The following RNASEK variants were observed in gnomAD, a reference collection of about 807,000 sequenced individuals.
RNASEK encodes ribonuclease K.
In RNASEK, 7 loss-of-function variants were observed where a neutral mutation model predicts 11.2. That is an observed-to-expected ratio of 0.62 (90% CI 0.35 to 1.17). The LOEUF (loss-of-function observed/expected upper bound fraction) is 1.17. Among genes scored for constraint, RNASEK ranks in the 50% most tolerant of loss-of-function variants. The pLI is 0.02. For missense variants in RNASEK, 101 were observed against 126.7 expected, an observed-to-expected ratio of 0.80 and a Z score of 0.97; for synonymous variants, 46 against 49.5, an observed-to-expected ratio of 0.93 and a Z score of 0.30.
intron 1 of RNASEK, chr17:7,013,257 G>A (rs1334701273): frequency 1.6e-6 from 2 of 1,267,874 alleles, no homozygotes; most frequent in Non-Finnish European, 2.1e-6. Context: ...GTTGAATGGA[G>A]GACATGGGAG....
At chr17:7,013,645 C>G (rs1344929373) in intron 1 of RNASEK, 21 bp from the exon 2 acceptor site, 1 of 1,608,708 alleles carries the variant, frequency 6.2e-7, no homozygotes, top group African/African-American at 1.3e-5. Context: ...ATTCAACAGT[C>G]TACCCATTCC....
Position 7,014,408 on chromosome 17 carries a change from G to C in RNASEK, c.*122G>C. 9.7e-7 allele frequency: 1 copy of C among 1,029,364 alleles called. No homozygotes were observed. The highest frequency in any genetic ancestry group is 1.4e-6 in the Non-Finnish European group (1 of 705,256). 63.8% of individuals were successfully genotyped at this position (1,029,364 alleles called of 1,614,324 possible). On this transcript the variant is annotated 3_prime_UTR_variant, in exon 3 of 3. Transcript: ENST00000593646. The surrounding 1 kb of genome is among the most constrained non-coding windows in gnomAD (Gnocchi z 4.5). ...GCGGGACTGGGTTTCCCGGGCGAGAGACTGAATCCCTTCTCCCATCTCTGG... is the reference window on the plus strand; with the variant it reads ...GCGGGACTGGGTTTCCCGGGCGAGACACTGAATCCCTTCTCCCATCTCTGG...
chr17:7,013,395 C>T (rs1234032713), intron 1 of RNASEK: 1 of 1,535,646 alleles, frequency 6.5e-7, no homozygotes, highest in Non-Finnish European at 8.7e-7. Flanking sequence ...CGCACTGTCC[C>T]GTGATGATGA....
At chr17:7,013,931 A>G in intron 2 of RNASEK, 189 bp downstream of exon 2, 1 of 688,972 alleles carries the variant, frequency 1.5e-6, no homozygotes, top group Admixed American at 2.7e-5. Context: ...CAAACCCACC[A>G]CCTTAGGTGT....
At chr17:7,013,384 C>A in intron 1 of RNASEK, 1 of 1,535,460 alleles carries the variant, frequency 6.5e-7, no homozygotes, top group Non-Finnish European at 8.7e-7. Context: ...CTCCCCTCTT[C>A]CGCACTGTCC....
chr17:7,012,918 T>C, intron 1 of RNASEK, 157 bp downstream of exon 1: 1 of 653,812 alleles, frequency 1.5e-6, no homozygotes, highest in Non-Finnish European at 2.6e-6. Flanking sequence ...AAATGGGAAC[T>C]GTTCGAGACC....
Position 7,014,384 on chromosome 17 carries a change from C to G in RNASEK, c.*98C>G. On this transcript the variant is annotated 3_prime_UTR_variant, in exon 3 of 3. Coordinates refer to ENST00000593646, the MANE Select transcript of RNASEK (RefSeq NM_001004333.5). The surrounding 1 kb of genome is among the most constrained non-coding windows in gnomAD (Gnocchi z 4.5). The stretch of plus-strand genomic sequence containing the variant: ...GTCCCACCCTTGCCGGCGCCCTCTG[C>G]GGGACTGGGTTTCCCGGGCGAGAGA... The G allele has an allele frequency of 2.2e-6, 3 of 1,344,702 alleles. No individual in the cohort carries two copies. Among genetic ancestry groups the G allele is most frequent in the South Asian group, 1.3e-5 (1 of 78,838 alleles). The allele number at this position is 1,344,702 out of a possible 1,614,324, so 83.3% of individuals were successfully genotyped here.
chr17:7,013,444 G>A (rs1909574875), intron 1 of RNASEK: 1 of 1,537,606 alleles, frequency 6.5e-7, no homozygotes, highest in African/African-American at 1.4e-5. Flanking sequence ...TCCTGGGAGA[G>A]ATGGCTTGGT....
rs2151653696 is a variant in RNASEK, at chr17:7,014,280, G to A, written c.291G>A (p.Val97=). The part of the protein sequence containing the change: ...VRLNKRKEYM[V]R ...TCAATAAGCGCAAGGAATACATGGT[G>A]CGCTAGGGCCCCGGCGCGTTTCCCC... Residue 97 remains valine (V), a synonymous_variant, in exon 3 of 3, where the codon GTG becomes GTA. Coordinates refer to ENST00000593646, the MANE Select transcript of RNASEK (RefSeq NM_001004333.5). The surrounding 1 kb of genome is among the most constrained non-coding windows in gnomAD (Gnocchi z 4.5). 6.2e-7 allele frequency: 1 copy of A among 1,613,714 alleles called. No homozygotes were observed.
intron 2 of RNASEK, 150 bp downstream of exon 2, chr17:7,013,892 G>A: frequency 1.3e-6 from 1 of 761,934 alleles, no homozygotes; most frequent in Non-Finnish European, 2.2e-6. Flanking sequence ...GTGGTTAGGA[G>A]CCAGGGAGTC....
intron 1 of RNASEK, chr17:7,013,400 T>G (rs570243600): frequency 3.9e-6 from 6 of 1,535,766 alleles, no homozygotes; most frequent in South Asian, 2.4e-5. Flanking sequence ...TGTCCCGTGA[T>G]GATGACGCCT....
chr17:7,013,831 T>C, intron 2 of RNASEK, 89 bp downstream of exon 2: 1 of 1,034,734 alleles, frequency 9.7e-7, no homozygotes, highest in South Asian at 1.3e-5. Context: ...GCCCGGTGCT[T>C]AGGGCCCCTA....
Position 7,014,212 on chromosome 17 carries a change from C to G in RNASEK, c.223C>G (p.Leu75Val). The change falls in exon 3 of 3, where the codon CTT becomes GTT. Residue 75 changes from leucine to valine, a missense_variant. By Grantham distance (32) the Leu-to-Val change is conservative. Transcript: ENST00000593646. The surrounding 1 kb of genome is among the most constrained non-coding windows in gnomAD (Gnocchi z 4.5). ...VSYNCFIAAG[L>V]YLLLGGFSFC... ...CTACAACTGTTTCATCGCTGCAGGC[C>G]TTTACCTCCTCCTCGGAGGCTTCTC... The G allele has an allele frequency of 6.2e-7, 1 of 1,608,836 alleles. No homozygotes were observed.
intron 2 of RNASEK, 69 bp downstream of exon 2, chr17:7,013,811 C>G (rs937867097): frequency 8.1e-7 from 1 of 1,239,234 alleles, no homozygotes; most frequent in African/African-American, 1.5e-5. Flanking sequence ...GTCAGAATTA[C>G]GTCTGGGAGG....
intron 1 of RNASEK, chr17:7,013,402 A>T (rs776966111): frequency 6.5e-7 from 1 of 1,535,754 alleles, no homozygotes; most frequent in African/African-American, 1.4e-5. Context: ...TCCCGTGATG[A>T]TGACGCCTCC....
intron 1 of RNASEK, 158 bp from the exon 2 acceptor site, chr17:7,013,508 C>CTGT: frequency 6.3e-7 from 1 of 1,582,080 alleles, no homozygotes; most frequent in African/African-American, 1.3e-5. Context: ...ACCTCACGCC[C>CTGT]TGTTCCAGGT....
intron 1 of RNASEK, chr17:7,012,979 G>C: frequency 3.6e-6 from 2 of 561,062 alleles, no homozygotes; most frequent in Admixed American, 6.9e-5. Flanking sequence ...ACAAAAATTA[G>C]CCGGGCGTGG....
chr17:7,013,278 T>C (rs1909555095), intron 1 of RNASEK: 5 of 1,404,536 alleles, frequency 3.6e-6, no homozygotes, highest in Admixed American at 2.2e-5. Flanking sequence ...GAAAAGAGAG[T>C]GCTTGTTCCA....
chr17:7,013,535 A>C (rs1428805115), intron 1 of RNASEK, 131 bp from the exon 2 acceptor site: 1 of 1,604,886 alleles, frequency 6.2e-7, no homozygotes, highest in Non-Finnish European at 8.5e-7. Context: ...GTCCGAATCC[A>C]GTAACCACCA....
Sources: gnomAD v4.1 joint callset for allele counts on GRCh38, gnomAD v4.1.1 for gene constraint, Gnocchi (gnomAD v3.1) non-coding constraint, MANE v1.5 for transcripts, NCBI Gene and HGNC (gene_info 2026-07-23, HGNC 2026-07-21) for gene names.